The following NUTM2E variants were observed in gnomAD, a reference collection of about 807,000 sequenced individuals.
The protein encoded by NUTM2E is NUT family member 2E.
In NUTM2E, 3 loss-of-function variants were observed where a neutral mutation model predicts 26.1. That is an observed-to-expected ratio of 0.12 (90% CI 0.05 to 0.30). The LOEUF (loss-of-function observed/expected upper bound fraction) is 0.30, where lower values mean the gene tolerates loss of function less well. NUTM2E is among the 10% of genes least tolerant of loss of function. The probability of loss-of-function intolerance (pLI) is 1.00; values close to 1 mark genes in which losing one functional copy is unlikely to be tolerated. For synonymous variants in NUTM2E, 13 were observed against 157.5 expected (o/e 0.08, Z 6.87); for missense variants, 62 against 381.3 (o/e 0.16, Z 6.97).
rs1375651603 is a variant in NUTM2E, at chr10:79,827,014, C to CGCCTCGCCTCGCCTCGCCTG, written c.-3062_-3061insCGCCTCGCCTGGCCTCGCCT. ...CTAAGCACCCTCGCTCACGTCGCCT[C>CGCCTCGCCTCGCCTCGCCTG]GCCTCGCCTGACCGGCCGCAGCCTT... On this transcript the variant is annotated 5_prime_UTR_variant, in exon 1 of 10. Coordinates refer to ENST00000429984, the MANE Select transcript of NUTM2E (RefSeq NM_001355263.2). 4 of 140,530 alleles carry CGCCTCGCCTCGCCTCGCCTG rather than the reference C, an allele frequency of 2.8e-5. No individual in the cohort carries two copies. The highest frequency in any genetic ancestry group is 1.1e-4 in the African/African-American group (4 of 38,084). The allele number at this position is 140,530 out of a possible 1,614,324, so 8.7% of individuals were successfully genotyped here. A position where few individuals can be genotyped will look rare whatever the true frequency, so the allele number is the denominator to read the frequency against.
rs1453009897 is a variant in NUTM2E at position 79,827,000 on chromosome 10, C to T, written c.-3085C>T. ...AGCGGCTGTTCTCCCTAAGCACCCT[C>T]GCTCACGTCGCCTCGCCTCGCCTGA... On this transcript the variant is annotated 5_prime_UTR_variant, in exon 1 of 10. Coordinates refer to ENST00000429984, the MANE Select transcript of NUTM2E (RefSeq NM_001355263.2). 1 of 39,908 alleles carries T rather than the reference C, an allele frequency of 2.5e-5. No individual in the cohort carries two copies. Among genetic ancestry groups the T allele is most frequent in the East Asian group, 3.1e-3 (1 of 320 alleles). The allele number at this position is 39,908 out of a possible 1,614,324, so 2.5% of individuals were successfully genotyped here. A position where few individuals can be genotyped will look rare whatever the true frequency, so the allele number is the denominator to read the frequency against.
chr10:79,829,652 A>G (rs1265862253), intron 1 of NUTM2E, among the ~76,000 whole-genome samples: 1 of 151,954 alleles, frequency 6.6e-6, no homozygotes, highest in Non-Finnish European at 1.5e-5. Context: ...GCCAAAGCAG[A>G]TAGTCCAATA....
rs1172726329 is a variant in NUTM2E at position 79,833,795 on chromosome 10, CAG to C, written c.-2727-4513_-2727-4512del. On this transcript the variant is annotated intron_variant, in intron 1 of 9. Transcript: ENST00000429984. ...AAATTAGTTCAGCCATTGTGGAAGA[CAG>C]TGTGGTGATTCCTCAAGGATCTAGA... Among the ~76,000 whole-genome samples the C allele has an allele frequency of 2.6e-5, 4 of 151,774 alleles. 2 individuals are homozygous for C. Among genetic ancestry groups the C allele is most frequent in the Non-Finnish European group, 5.9e-5 (4 of 67,930 alleles).
Position 79,850,080 on chromosome 10 carries a change from AG to A in NUTM2E, c.2113del (p.Asp705IlefsTer5). ...GACTCTGTTGTGCTTTTGGGATGTC[AG>A]GATTCCCCTGGGCTGAGGGCTGCCC... ...SEDSVVLLGC[Q>X]DSPGLRAARP... On this transcript the variant is annotated frameshift_variant, in exon 10 of 10. Transcript: ENST00000429984. LOFTEE classifies it high-confidence loss of function. 8.8e-7 allele frequency: 1 copy of A among 1,132,582 alleles called. No homozygotes were observed. The highest frequency in any genetic ancestry group is 2.3e-4 in the Middle Eastern group (1 of 4,418). 70.2% of individuals were successfully genotyped at this position (1,132,582 alleles called of 1,614,324 possible). A position where few individuals can be genotyped will look rare whatever the true frequency, so the allele number is the denominator to read the frequency against.
intron 7 of NUTM2E, 52 bp from the exon 8 acceptor site, chr10:79,848,461 G>C (rs879067930): frequency 0.057 from 18,035 of 314,614 alleles, 5,680 homozygotes; most frequent in Admixed American, 0.14. Flanking sequence ...TGTGTGGTGC[G>C]AGCAGGAGGA....
At chr10:79,831,889 G>A (rs1347117131) in intron 1 of NUTM2E, among the ~76,000 whole-genome samples, 9 of 151,624 alleles carry the variant, frequency 5.9e-5, no homozygotes, top group East Asian at 1.9e-4. Context: ...ATCACAAAAC[G>A]CGTGTTCTCA....
In NUTM2E at chr10:79,830,889, A is replaced by G. The variant is rs1841923641; in HGVS notation, c.-2728+3532A>G. Among the ~76,000 whole-genome samples the G allele has an allele frequency of 2.0e-5, 3 of 151,690 alleles. No homozygotes were observed. The South Asian group carries it at 6.3e-4, about 32-fold the overall frequency. On this transcript the variant is annotated intron_variant, in intron 1 of 9. Coordinates refer to ENST00000429984, the MANE Select transcript of NUTM2E (RefSeq NM_001355263.2). ...ATTCCATAGTGCCCCCAGTAGAGAT[A>G]TTACTGACATTTTTCATTTATTGCC... is the stretch of plus-strand genomic sequence containing the variant.
intron 1 of NUTM2E, among the ~76,000 whole-genome samples, chr10:79,835,901 C>T (rs2132415921): frequency 7.0e-6 from 1 of 141,882 alleles, no homozygotes; most frequent in African/African-American, 2.6e-5. Context: ...TATTTTGCCA[C>T]ACGATTATGC....
chr10:79,828,941 G>A (rs1841909036), intron 1 of NUTM2E, among the ~76,000 whole-genome samples: 3 of 151,658 alleles, frequency 2.0e-5, no homozygotes, highest in South Asian at 4.2e-4. Flanking sequence ...CAGCTAAAGA[G>A]CATTTAAATA....
At chr10:79,830,231 A>G (rs1841917737) in intron 1 of NUTM2E, among the ~76,000 whole-genome samples, 1 of 151,716 alleles carries the variant, frequency 6.6e-6, no homozygotes, top group Non-Finnish European at 1.5e-5. Flanking sequence ...TTTTTGTACT[A>G]TGGTGTAGCT....
rs1229632499 is a variant in NUTM2E, at chr10:79,849,392, C to T, written c.1756C>T (p.Gln586Ter). 3.2e-6 allele frequency: 2 copies of T among 623,418 alleles called. No homozygotes were observed. Among genetic ancestry groups the T allele is most frequent in the East Asian group, 4.0e-5 (1 of 24,842 alleles). The allele number at this position is 623,418 out of a possible 1,614,324, so 38.6% of individuals were successfully genotyped here. ...VTKVEAVIHP[Q>*]FLEELLSPDP... Reference sequence around the variant, plus strand: ...CCAGGTGGAGGCCGTCATTCATCCCCAATTCCTGGAAGAATTGCTTTCCCC... The same window carrying T: ...CCAGGTGGAGGCCGTCATTCATCCCTAATTCCTGGAAGAATTGCTTTCCCC... The change falls in exon 9 of 10, where the codon CAA becomes TAA. Residue 586 changes from glutamine (Q) to a stop codon, truncating the protein, a stop_gained. Coordinates refer to ENST00000429984, the MANE Select transcript of NUTM2E (RefSeq NM_001355263.2). LOFTEE classifies it high-confidence loss of function.
chr10:79,836,307 C>T (rs1841963357), intron 1 of NUTM2E, among the ~76,000 whole-genome samples: 1 of 151,746 alleles, frequency 6.6e-6, no homozygotes, highest in Non-Finnish European at 1.5e-5. Flanking sequence ...ATAAGACAAA[C>T]TTATTCCATA....
rs539470601 is a variant in NUTM2E, at chr10:79,837,798, C to T, written c.-2727-511C>T. ...TTCATGCATAGATATTTGTAGAGGG[C>T]CTGCTGTGTGCCAGATATTAAGCAA... On this transcript the variant is annotated intron_variant, in intron 1 of 9. Transcript: ENST00000429984. Among the ~76,000 whole-genome samples the T allele has an allele frequency of 2.6e-5, 4 of 152,014 alleles. No individual in the cohort carries two copies. The East Asian group carries it at 5.8e-4, about 22-fold the overall frequency.
At chr10:79,837,690 T>A (rs1213554422) in intron 1 of NUTM2E, among the ~76,000 whole-genome samples, 6 of 152,084 alleles carry the variant, frequency 3.9e-5, no homozygotes, top group African/African-American at 1.4e-4. Context: ...GTTATCTACC[T>A]GTTTATCCAT....
chr10:79,827,605 C>T (rs1451944484), intron 1 of NUTM2E: 1 of 149,186 alleles, frequency 6.7e-6, no homozygotes, highest in South Asian at 2.1e-4. Context: ...TAAACATATA[C>T]ATCATCTTAA....
chr10:79,834,296 G>A (rs1369935343), intron 1 of NUTM2E, among the ~76,000 whole-genome samples: 5 of 151,666 alleles, frequency 3.3e-5, no homozygotes, highest in Non-Finnish European at 7.4e-5. Context: ...CATGGCACAT[G>A]TATACCTATG....
chr10:79,845,311 G>A (rs1842017200), intron 5 of NUTM2E, among the ~76,000 whole-genome samples: 1 of 113,694 alleles, frequency 8.8e-6, no homozygotes, highest in South Asian at 2.4e-4. Flanking sequence ...CATGCCCGCA[G>A]TTCCGCTGAG....
At position 79,827,264 on chromosome 10, in the gene NUTM2E, A is replaced by G. The variant is rs1841890472; in HGVS notation, c.-2821A>G. 1 of 153,038 alleles carries G rather than the reference A, an allele frequency of 6.5e-6. No individual in the cohort carries two copies. The highest frequency in any genetic ancestry group is 2.4e-5 in the African/African-American group (1 of 41,308). The allele number at this position is 153,038 out of a possible 1,614,324, so 9.5% of individuals were successfully genotyped here. On this transcript the variant is annotated 5_prime_UTR_variant, in exon 1 of 10. Coordinates refer to ENST00000429984, the MANE Select transcript of NUTM2E (RefSeq NM_001355263.2). Reference sequence around the variant, plus strand: ...AGCGGAATACCTACTGTGCGGGATTATTCAACAAGCCGATTGATCACATTC... The same window carrying G: ...AGCGGAATACCTACTGTGCGGGATTGTTCAACAAGCCGATTGATCACATTC...
Position 79,849,960 on chromosome 10 carries a change from A to G in NUTM2E, c.1991A>G (p.Gln664Arg). 4 of 786,738 alleles carry G rather than the reference A, an allele frequency of 5.1e-6. No individual in the cohort carries two copies. The highest frequency in any genetic ancestry group is 7.5e-6 in the Non-Finnish European group (4 of 533,990). 48.7% of individuals were successfully genotyped at this position (786,738 alleles called of 1,614,324 possible). A position where few individuals can be genotyped will look rare whatever the true frequency, so the allele number is the denominator to read the frequency against. ...GCAGAGAGAGACGTCCCTGACCCCC[A>G]AGAAGGGGTTGGCATGGAAACCTGC... ...QGAERDVPDPQEGVGMETCPP... is the reference protein window; with the variant it reads ...QGAERDVPDPREGVGMETCPP... The change falls in exon 10 of 10, where the codon CAA (glutamine) becomes CGA (arginine). Residue 664 changes from glutamine (Q) to arginine (R), a missense_variant. Transcript: ENST00000429984.
Sources: allele counts gnomAD v4.1 joint callset (sites outside exome capture counted in the v4.1 genomes callset), GRCh38; gene constraint gnomAD v4.1.1; transcripts MANE v1.5; gene names NCBI Gene and HGNC (gene_info 2026-07-23, HGNC 2026-07-21).